Variants in LSAMP observed in about 807,000 individuals in gnomAD.
The protein encoded by LSAMP is limbic system associated membrane protein, also known as limbic system-associated membrane protein.
LSAMP carries 7 observed loss-of-function variants against 38.6 expected under a neutral mutation model. The observed-to-expected ratio is 0.18, with a 90% CI of 0.10 to 0.34. The LOEUF is 0.34. Among genes scored for constraint, LSAMP ranks in the 10% least tolerant of loss-of-function variants. The pLI is 1.00. For missense variants in LSAMP, 313 were observed against 420.0 expected (o/e 0.75, Z 2.23); for synonymous variants, 154 against 166.8 (o/e 0.92, Z 0.59).
At chr3:116,351,136 T>C (rs1193668706) in intron 1 of LSAMP, among the ~76,000 whole-genome samples, 1 of 151,966 alleles carries the variant, frequency 6.6e-6, no homozygotes, top group East Asian at 1.9e-4. Context: ...TTGAAAGAGT[T>C]TGCATAACGG....
chr3:116,049,037 C>T (rs1402706382), intron 2 of LSAMP, among the ~76,000 whole-genome samples: 1 of 152,204 alleles, frequency 6.6e-6, no homozygotes, highest in African/African-American at 2.4e-5. Flanking sequence ...CAGTGGAGAA[C>T]AGAACCTCCT....
At chr3:115,955,127 G>T (rs1010098300) in intron 3 of LSAMP, among the ~76,000 whole-genome samples, 3 of 151,996 alleles carry the variant, frequency 2.0e-5, no homozygotes, top group Non-Finnish European at 2.9e-5. Flanking sequence ...GTAGAGACGG[G>T]GTTTCACTGT....
intron 1 of LSAMP, among the ~76,000 whole-genome samples, chr3:116,301,792 GT>G (rs1370054227): frequency 7.9e-5 from 12 of 152,112 alleles, no homozygotes; most frequent in Middle Eastern, 3.2e-3. Flanking sequence ...AAAGATAATA[GT>G]TTTTTTCTAT....
chr3:116,127,684 A>C (rs1709035682), intron 1 of LSAMP, among the ~76,000 whole-genome samples: 1 of 142,000 alleles, frequency 7.0e-6, no homozygotes, highest in South Asian at 2.2e-4. Flanking sequence ...GCAAGTTTTC[A>C]GTGTTTGTTC....
intron 3 of LSAMP, among the ~76,000 whole-genome samples, chr3:116,010,896 T>C (rs1235278046): frequency 6.6e-6 from 1 of 152,252 alleles, no homozygotes; most frequent in Non-Finnish European, 1.5e-5. Flanking sequence ...TTCCCACTAA[T>C]ATTTCTATTT....
At chr3:116,251,459 C>T (rs1292234065) in intron 1 of LSAMP, among the ~76,000 whole-genome samples, 1 of 152,130 alleles carries the variant, frequency 6.6e-6, no homozygotes, top group African/African-American at 2.4e-5. Context: ...AATGCTTTAC[C>T]CATAACGTTA....
At chr3:116,443,238 A>G (rs781453824) in intron 1 of LSAMP, among the ~76,000 whole-genome samples, 2 of 152,208 alleles carry the variant, frequency 1.3e-5, no homozygotes, top group African/African-American at 2.4e-5. Flanking sequence ...TTTCTGCACC[A>G]TGTCCAAATT....
intron 1 of LSAMP, among the ~76,000 whole-genome samples, chr3:116,312,728 TAG>T (rs1313295291): frequency 1.3e-5 from 2 of 152,134 alleles, no homozygotes; most frequent in African/African-American, 4.8e-5. Flanking sequence ...TAAGGTCAAC[TAG>T]AGAGCGAAAG....
At chr3:116,265,826 C>T (rs1020764374) in intron 1 of LSAMP, among the ~76,000 whole-genome samples, 9 of 152,192 alleles carry the variant, frequency 5.9e-5, no homozygotes, top group Non-Finnish European at 1.2e-4. Flanking sequence ...TTCCCTAATC[C>T]TCTTGACCTG....
intron 1 of LSAMP, among the ~76,000 whole-genome samples, chr3:116,226,482 CT>C (rs1249793480): frequency 2.6e-5 from 4 of 152,262 alleles, no homozygotes; most frequent in African/African-American, 9.6e-5. Flanking sequence ...AGAAGCTGTT[CT>C]CTGTCAGCGA....
At chr3:116,407,099 A>C (rs2048907229) in intron 1 of LSAMP, among the ~76,000 whole-genome samples, 2 of 151,890 alleles carry the variant, frequency 1.3e-5, no homozygotes, top group South Asian at 4.2e-4. Context: ...AAGACTGATA[A>C]AAAAAATAGC....
intron 1 of LSAMP, among the ~76,000 whole-genome samples, chr3:116,208,208 C>T (rs1347835245): frequency 3.5e-4 from 53 of 152,170 alleles, no homozygotes; most frequent in African/African-American, 1.1e-3. Context: ...CCTGAGGCTT[C>T]TGCATTCTTC....
chr3:116,258,057 T>A (rs2046774184), intron 1 of LSAMP, among the ~76,000 whole-genome samples: 1 of 152,096 alleles, frequency 6.6e-6, no homozygotes, highest in Non-Finnish European at 1.5e-5. Context: ...CTCATTGATC[T>A]TAGCTTGTCA....
At chr3:115,953,450 A>G (rs1027602130) in intron 3 of LSAMP, among the ~76,000 whole-genome samples, 65 of 117,974 alleles carry the variant, frequency 5.5e-4, no homozygotes, top group African/African-American at 1.9e-3. Context: ...CACAATGTCT[A>G]AAATACACCA....
chr3:116,264,413 C>T (rs2046868550), intron 1 of LSAMP, among the ~76,000 whole-genome samples: 1 of 152,182 alleles, frequency 6.6e-6, no homozygotes, highest in South Asian at 2.1e-4. Context: ...GCTTCCAAGA[C>T]ATTGAGTCAT....
At chr3:116,223,887 A>G (rs1483559792) in intron 1 of LSAMP, among the ~76,000 whole-genome samples, 1 of 152,186 alleles carries the variant, frequency 6.6e-6, no homozygotes, top group Non-Finnish European at 1.5e-5. Flanking sequence ...AACCCTTTGG[A>G]AATTGCTGAT....
intron 1 of LSAMP, among the ~76,000 whole-genome samples, chr3:116,217,121 T>C (rs567191699): frequency 1.3e-5 from 2 of 152,258 alleles, no homozygotes; most frequent in East Asian, 3.9e-4. Context: ...ACTCGGGAGA[T>C]TAATTCTCAC....
At chr3:116,218,047 C>A (rs2107613396) in intron 1 of LSAMP, among the ~76,000 whole-genome samples, 1 of 152,158 alleles carries the variant, frequency 6.6e-6, no homozygotes, top group Non-Finnish European at 1.5e-5. Flanking sequence ...TCTGTTGATA[C>A]CGAAAAAAAT....
chr3:116,222,193 A>G (rs1444210050), intron 1 of LSAMP, among the ~76,000 whole-genome samples: 1 of 151,804 alleles, frequency 6.6e-6, no homozygotes, highest in African/African-American at 2.4e-5. Context: ...GTGGTTCTTC[A>G]TGTGTAAAAG....
Sources: allele counts gnomAD v4.1 joint callset (sites outside exome capture counted in the v4.1 genomes callset), GRCh38; gene constraint gnomAD v4.1.1; transcripts MANE v1.5; gene names NCBI Gene and HGNC (gene_info 2026-07-23, HGNC 2026-07-21).